The following ARHGAP6 variants were observed in gnomAD, a reference collection of about 807,000 sequenced individuals.
ARHGAP6 encodes Rho GTPase activating protein 6.
A neutral mutation model predicts 55.7 loss-of-function variants in ARHGAP6; 16 were observed. The ratio of observed to expected loss-of-function variants is 0.29; its 90% CI spans 0.19 to 0.44. The LOEUF (loss-of-function observed/expected upper bound fraction) is 0.44, where lower values mean the gene tolerates loss of function less well. ARHGAP6 is among the 20% of genes least tolerant of loss of function. ARHGAP6 has a pLI of 1.00. For missense variants in ARHGAP6, 698 were observed against 808.9 expected, an observed-to-expected ratio of 0.86 and a Z score of 1.66; for synonymous variants, 382 against 360.9, an observed-to-expected ratio of 1.06 and a Z score of -0.66.
chrX:11,223,147 A>G (rs933044664), intron 2 of ARHGAP6: 7 of 171,575 alleles, frequency 4.1e-5, no homozygotes, highest in Non-Finnish European at 8.0e-5. Context: ...ATTTTCATTT[A>G]CTGTCTAGCT....
chrX:11,631,222 T>C (rs895555663), intron 1 of ARHGAP6, among the ~76,000 whole-genome samples: 1 of 111,288 alleles, frequency 9.0e-6, no homozygotes, highest in African/African-American at 3.3e-5. Flanking sequence ...TAATCAACTC[T>C]TCCCTCAAAA....
chrX:11,174,590 C>T (rs549312401), intron 8 of ARHGAP6, among the ~76,000 whole-genome samples: 100 of 63,846 alleles, frequency 1.6e-3, no homozygotes, highest in Non-Finnish European at 2.2e-3. Context: ...TTCTTTCTTT[C>T]TTTTTCTTTC....
chrX:11,559,965 A>AATAATAATAATAAT (rs1473901554), intron 1 of ARHGAP6, among the ~76,000 whole-genome samples: 6 of 78,265 alleles, frequency 7.7e-5, no homozygotes, highest in African/African-American at 3.3e-4. Flanking sequence ...ATAATAATAA[A>AATAATAATAATAAT]GTAGGAATTC....
chrX:11,427,996 T>C (rs1400518753), intron 1 of ARHGAP6, among the ~76,000 whole-genome samples: 1 of 112,475 alleles, frequency 8.9e-6, no homozygotes, highest in Non-Finnish European at 1.9e-5. Flanking sequence ...GGTGTCAGGC[T>C]GGCCGGCACG....
intron 2 of ARHGAP6, among the ~76,000 whole-genome samples, chrX:11,211,925 G>A (rs1437331289): frequency 9.0e-6 from 1 of 111,399 alleles, no homozygotes; most frequent in Non-Finnish European, 1.9e-5. Flanking sequence ...GTAAGAAATA[G>A]CTCCCTAATA....
At chrX:11,265,937 T>C in intron 1 of ARHGAP6, 1 of 954,158 alleles carries the variant, frequency 1.0e-6, no homozygotes. Context: ...TTTCATCGGA[T>C]CATTGAGAAG....
chrX:11,414,068 C>A (rs2049719817), intron 1 of ARHGAP6, among the ~76,000 whole-genome samples: 2 of 112,364 alleles, frequency 1.8e-5, no homozygotes, highest in South Asian at 7.4e-4. Context: ...ATATGTGTCC[C>A]TTTCTTTTGC....
At chrX:11,187,963 T>C (rs774235366) in intron 4 of ARHGAP6, among the ~76,000 whole-genome samples, 6 of 111,452 alleles carry the variant, frequency 5.4e-5, no homozygotes, top group Admixed American at 9.5e-5. Flanking sequence ...GCCCGGGAGA[T>C]TGAAGCTGCA....
chrX:11,648,390 A>T, intron 1 of ARHGAP6, among the ~76,000 whole-genome samples: 1 of 112,162 alleles, frequency 8.9e-6, no homozygotes, highest in Middle Eastern at 4.6e-3. Context: ...CCATGAATGT[A>T]GAGGATAAAC....
At chrX:11,259,335 G>GCTGAATA (rs1336270676) in intron 1 of ARHGAP6, among the ~76,000 whole-genome samples, 1 of 111,823 alleles carries the variant, frequency 8.9e-6, no homozygotes, top group African/African-American at 3.2e-5. Flanking sequence ...CTTTTTTATG[G>GCTGAATA]CTGAATAATA....
intron 1 of ARHGAP6, among the ~76,000 whole-genome samples, chrX:11,618,450 A>C (rs1045932891): frequency 8.9e-6 from 1 of 112,267 alleles, no homozygotes; most frequent in African/African-American, 3.2e-5. Context: ...GTAAGTAGAA[A>C]TCTATATGAC....
intron 1 of ARHGAP6, among the ~76,000 whole-genome samples, chrX:11,482,762 T>TCCAGACTC (rs1169006538): frequency 1.8e-5 from 2 of 111,404 alleles, no homozygotes; most frequent in African/African-American, 6.6e-5. Flanking sequence ...CCCACAGACT[T>TCCAGACTC]CCAGAATCTC....
rs751727611 is a variant in ARHGAP6, at chrX:11,138,881, C to T, written c.2907G>A (p.Leu969=). The T allele has an allele frequency of 6.5e-5, 77 of 1,182,737 alleles. No homozygotes were observed. Among genetic ancestry groups the T allele is most frequent in the Non-Finnish European group, 8.0e-5 (71 of 887,645 alleles). Residue 969 remains leucine (L), a synonymous_variant, in exon 13 of 13, where the codon CTG becomes CTA. Transcript: ENST00000337414. ...ELLSTDNPDA[L]PETLV is the part of the protein sequence containing the mutation. The stretch of plus-strand genomic sequence containing the variant: ...TGCGGGCTCAGACCAGCGTCTCGGG[C>T]AGGGCATCGGGGTTGTCGGTCGACA...
rs375383821 is a variant in ARHGAP6, at chrX:11,298,287, C to T, written c.589-43580G>A. 108 of 1,206,273 alleles carry T rather than the reference C, an allele frequency of 9.0e-5. No individual in the cohort carries two copies. In the African/African-American group the frequency reaches 1.7e-3, roughly 19 times the overall value. The stretch of plus-strand genomic sequence containing the variant: ...GAGCATAAGGCCACCGGTATGTAGA[C>T]ATTTTGTTCCTTATTCCCTGAAAAT... On this transcript the variant is annotated intron_variant, in intron 1 of 12. Coordinates refer to ENST00000337414, the MANE Select transcript of ARHGAP6 (RefSeq NM_013427.3).
At chrX:11,490,182 T>G (rs1169198389) in intron 1 of ARHGAP6, among the ~76,000 whole-genome samples, 2 of 111,130 alleles carry the variant, frequency 1.8e-5, no homozygotes, top group African/African-American at 6.6e-5. Flanking sequence ...ACGATTCCAT[T>G]CCCATAATTA....
chrX:11,171,253 G>GAATC (rs2046086860), intron 8 of ARHGAP6, among the ~76,000 whole-genome samples: 1 of 111,228 alleles, frequency 9.0e-6, no homozygotes, highest in South Asian at 3.8e-4. Flanking sequence ...CCACTGCCAA[G>GAATC]AATCAGCCAT....
intron 1 of ARHGAP6, among the ~76,000 whole-genome samples, chrX:11,595,782 A>G (rs1336208750): frequency 2.7e-5 from 3 of 112,421 alleles, no homozygotes; most frequent in Non-Finnish European, 5.6e-5. Context: ...GACTCTTCTC[A>G]AAAGAAGACA....
intron 1 of ARHGAP6, among the ~76,000 whole-genome samples, chrX:11,438,848 C>A (rs752363829): frequency 8.9e-6 from 1 of 112,349 alleles, no homozygotes; most frequent in East Asian, 2.8e-4. Flanking sequence ...AACCTCTTGA[C>A]GCATATTTTG....
At chrX:11,153,308 C>T (rs1443527283) in intron 10 of ARHGAP6, among the ~76,000 whole-genome samples, 1 of 109,676 alleles carries the variant, frequency 9.1e-6, no homozygotes, top group Non-Finnish European at 1.9e-5. Context: ...GGATGGATCA[C>T]AAGGTCAGGA....
Sources: allele counts gnomAD v4.1 joint callset (sites outside exome capture counted in the v4.1 genomes callset), GRCh38; gene constraint gnomAD v4.1.1; transcripts MANE v1.5; gene names NCBI Gene and HGNC (gene_info 2026-07-23, HGNC 2026-07-21).